Variants in GABRG3 observed in about 807,000 individuals in gnomAD.
The protein encoded by GABRG3 is gamma-aminobutyric acid receptor subunit gamma-3.
A neutral mutation model predicts 48.8 loss-of-function variants in GABRG3; 25 were observed. That is an observed-to-expected ratio of 0.51 (90% confidence interval 0.37 to 0.72). The LOEUF is 0.72. GABRG3 is among the 30% of genes least tolerant of loss of function. GABRG3 has a pLI of 0.00. For synonymous variants in GABRG3, 227 were observed against 217.6 expected (o/e 1.04, Z -0.38); for missense variants, 394 against 577.9 (o/e 0.68, Z 3.26).
At chr15:27,008,331 C>A (rs1037819351) in intron 2 of GABRG3, among the ~76,000 whole-genome samples, 16 of 152,198 alleles carry the variant, frequency 1.1e-4, no homozygotes, top group Non-Finnish European at 2.4e-4. Flanking sequence ...GAGTAACTCA[C>A]TCTCAATAGT....
chr15:27,172,614 G>T (rs1189252598), intron 3 of GABRG3, among the ~76,000 whole-genome samples: 3 of 152,100 alleles, frequency 2.0e-5, no homozygotes, highest in African/African-American at 7.2e-5. Context: ...CTCTCTTCTA[G>T]CTGCAGGAAA....
intron 3 of GABRG3, among the ~76,000 whole-genome samples, chr15:27,141,295 T>TA (rs34511418): frequency 0.25 from 38,269 of 152,118 alleles, 6,233 homozygotes; most frequent in Non-Finnish European, 0.36. Context: ...ACCAAATTGT[T>TA]ACAGCCCAGA....
chr15:27,344,079 G>A (rs1894282316), intron 5 of GABRG3, among the ~76,000 whole-genome samples: 2 of 152,334 alleles, frequency 1.3e-5, no homozygotes, highest in South Asian at 4.1e-4. Flanking sequence ...TCATGTGGAA[G>A]GCTGTACTTC....
chr15:27,030,536 G>A (rs148198724), intron 3 of GABRG3, among the ~76,000 whole-genome samples: 9 of 152,266 alleles, frequency 5.9e-5, no homozygotes, highest in East Asian at 1.9e-4. Flanking sequence ...TGCCTTTGTC[G>A]CTGCAACATA....
At chr15:27,503,366 G>A (rs1890688379) in intron 6 of GABRG3, among the ~76,000 whole-genome samples, 1 of 152,096 alleles carries the variant, frequency 6.6e-6, no homozygotes, top group Non-Finnish European at 1.5e-5. Flanking sequence ...ATCACCACAT[G>A]GGCCTCTCAT....
At chr15:27,166,053 G>T (rs527830303) in intron 3 of GABRG3, among the ~76,000 whole-genome samples, 22 of 152,268 alleles carry the variant, frequency 1.4e-4, no homozygotes, top group Admixed American at 1.3e-3. Flanking sequence ...TTTCTCAGTG[G>T]CTCTGATTAC....
intron 3 of GABRG3, among the ~76,000 whole-genome samples, chr15:27,199,498 C>A (rs543185483): frequency 6.6e-6 from 1 of 152,082 alleles, no homozygotes; most frequent in South Asian, 2.1e-4. Flanking sequence ...CCAGGGGCCT[C>A]GTCAGAGGTG....
chr15:27,188,865 A>G (rs1336350239), intron 3 of GABRG3, among the ~76,000 whole-genome samples: 3 of 150,960 alleles, frequency 2.0e-5, no homozygotes, highest in African/African-American at 7.3e-5. Context: ...TTTTAGGTCT[A>G]ACGTTTAAGT....
intron 9 of GABRG3, among the ~76,000 whole-genome samples, chr15:27,531,419 C>T (rs1275937590): frequency 6.6e-6 from 1 of 152,156 alleles, no homozygotes; most frequent in Non-Finnish European, 1.5e-5. Context: ...TTCTTGGAAT[C>T]GTATTTTTGG....
rs371238776 is a variant in GABRG3, at chr15:27,520,158, G to A, written c.865+34G>A. 6.9e-5 allele frequency: 107 copies of A among 1,560,600 alleles called. 1 individual carries two copies. The African/African-American group carries it at 8.6e-4, about 12-fold the overall frequency. ...CAAAAAATCTCTTCCACAAATTTGC[G>A]TAATTGTAATATAGAAGCATTCATA... On this transcript the variant is annotated intron_variant, in intron 7 of 9. Transcript: ENST00000615808.
intron 3 of GABRG3, among the ~76,000 whole-genome samples, chr15:27,032,234 C>A (rs146124731): frequency 6.6e-6 from 1 of 152,140 alleles, no homozygotes; most frequent in Non-Finnish European, 1.5e-5. Context: ...TTCTTTCTAA[C>A]GTATGTTAGT....
chr15:27,472,687 A>C (rs1048401214), intron 5 of GABRG3, among the ~76,000 whole-genome samples: 21 of 152,218 alleles, frequency 1.4e-4, no homozygotes, highest in African/African-American at 4.3e-4. Flanking sequence ...ATAGTAAGGA[A>C]GGCAATGGAT....
intron 2 of GABRG3, among the ~76,000 whole-genome samples, chr15:27,004,004 ACGGGGCGGC>A (rs1895521340): frequency 3.4e-4 from 44 of 131,268 alleles, no homozygotes; most frequent in Non-Finnish European, 5.7e-4. Context: ...TCCCTCCCGG[ACGGGGCGGC>A]TGTCCGGGCG....
chr15:27,176,922 C>T (rs990732795), intron 3 of GABRG3, among the ~76,000 whole-genome samples: 9 of 152,106 alleles, frequency 5.9e-5, no homozygotes, highest in Admixed American at 1.3e-4. Context: ...TCTAACCACC[C>T]GACAGTTTCT....
chr15:27,004,367 G>A lies in GABRG3; in HGVS notation c.203-22387G>A, dbSNP rs186246678. Reference sequence around the variant, plus strand: ...AGACAATGGGCGGCCGGGCAGAGACGCTCCTCACTTCCTGGATGTGATGGC... The same window carrying A: ...AGACAATGGGCGGCCGGGCAGAGACACTCCTCACTTCCTGGATGTGATGGC... On this transcript the variant is annotated intron_variant, in intron 2 of 9. Transcript: ENST00000615808. Among the ~76,000 whole-genome samples the A allele has an allele frequency of 4.1e-3, 620 of 151,138 alleles. 3 individuals carry two copies. The highest frequency in any genetic ancestry group is 0.013 in the African/African-American group (516 of 41,144).
chr15:27,313,911 A>G (rs982626202), intron 3 of GABRG3, among the ~76,000 whole-genome samples: 10 of 152,054 alleles, frequency 6.6e-5, no homozygotes, highest in Non-Finnish European at 1.5e-4. Flanking sequence ...TTACATCTCA[A>G]GGCGCTAGAA....
Position 27,376,242 on chromosome 15 carries a change from G to T in GABRG3, c.574+47354G>T, listed in dbSNP as rs1214713242. Among the ~76,000 whole-genome samples, 3 of 152,336 alleles carry T rather than the reference G, an allele frequency of 2.0e-5. No homozygotes were observed. The East Asian group carries it at 5.8e-4, about 29-fold the overall frequency. On this transcript the variant is annotated intron_variant, in intron 5 of 9. Transcript: ENST00000615808. ...TGGCTTGGGTGGTTCTGCCCTTGTG[G>T]CTTTGCAGGATACAGCCTCCCTTCC...
At chr15:27,372,926 G>C (rs1161251562) in intron 5 of GABRG3, among the ~76,000 whole-genome samples, 1 of 152,162 alleles carries the variant, frequency 6.6e-6, no homozygotes, top group African/African-American at 2.4e-5. Flanking sequence ...CTTCTTCTCA[G>C]CTACATTGCT....
intron 6 of GABRG3, among the ~76,000 whole-genome samples, chr15:27,502,962 G>C (rs1042574829): frequency 1.3e-5 from 2 of 152,178 alleles, no homozygotes; most frequent in Non-Finnish European, 2.9e-5. Context: ...GAAGTGCTCA[G>C]AACTCTGTCC....
Sources: allele counts gnomAD v4.1 joint callset (sites outside exome capture counted in the v4.1 genomes callset), GRCh38; gene constraint gnomAD v4.1.1; transcripts MANE v1.5; gene names NCBI Gene and HGNC (gene_info 2026-07-23, HGNC 2026-07-21).